The following WWP2 variants were observed in gnomAD, a reference collection of about 807,000 sequenced individuals.
WWP2 encodes the protein NEDD4-like E3 ubiquitin-protein ligase WWP2.
In WWP2, 57 loss-of-function variants were observed where a neutral mutation model predicts 121.0. That is an observed-to-expected ratio of 0.47 (90% CI 0.38 to 0.59). WWP2 has a LOEUF of 0.59. Ranked by LOEUF, WWP2 falls within the 20% of genes least tolerant of loss-of-function variation. The pLI is 0.00. For synonymous variants in WWP2, 449 were observed against 441.3 expected, an observed-to-expected ratio of 1.02 and a Z score of -0.22; for missense variants, 962 against 1,158.9, an observed-to-expected ratio of 0.83 and a Z score of 2.47.
At chr16:69,883,179 A>T (rs1024687320) in intron 7 of WWP2, among the ~76,000 whole-genome samples, 1 of 152,004 alleles carries the variant, frequency 6.6e-6, no homozygotes, top group African/African-American at 2.4e-5. Flanking sequence ...TAATACAGCA[A>T]TTCTGTAAGG....
intron 6 of WWP2, among the ~76,000 whole-genome samples, chr16:69,865,548 C>G (rs2057506336): frequency 1.3e-5 from 2 of 152,170 alleles, no homozygotes; most frequent in Admixed American, 6.5e-5. Context: ...GAAGTGGAGC[C>G]TCTACCTGAA....
chr16:69,826,223 C>T (rs996985747), intron 4 of WWP2, among the ~76,000 whole-genome samples: 1 of 144,300 alleles, frequency 6.9e-6, no homozygotes, highest in Non-Finnish European at 1.5e-5. Context: ...ACTGAGATCA[C>T]ACCACTGCAC....
At chr16:69,789,705 T>G (rs1009757659) in intron 2 of WWP2, among the ~76,000 whole-genome samples, 1 of 152,224 alleles carries the variant, frequency 6.6e-6, no homozygotes, top group African/African-American at 2.4e-5. Flanking sequence ...AGAGTGCCTG[T>G]TTCCCTACAT....
chr16:69,823,816 C>T (rs374643304), intron 4 of WWP2, among the ~76,000 whole-genome samples: 62 of 152,240 alleles, frequency 4.1e-4, no homozygotes, highest in Non-Finnish European at 7.8e-4. Context: ...AACTTTTCTG[C>T]GAAATCAGGT....
At chr16:69,828,941 G>C (rs1010292306) in intron 4 of WWP2, among the ~76,000 whole-genome samples, 3 of 151,910 alleles carry the variant, frequency 2.0e-5, no homozygotes, top group Non-Finnish European at 4.4e-5. Context: ...GTTTCCCTGT[G>C]GTGTTCCCTG....
At chr16:69,911,580 G>T (rs1481668297) in intron 9 of WWP2, among the ~76,000 whole-genome samples, 1 of 152,188 alleles carries the variant, frequency 6.6e-6, no homozygotes, top group Non-Finnish European at 1.5e-5. Context: ...ATGCCCACCA[G>T]AGCCAAAGAG....
chr16:69,909,502 CCCA>C (rs756238979), intron 9 of WWP2: 4 of 985,458 alleles, frequency 4.1e-6, no homozygotes, highest in Non-Finnish European at 4.8e-6. Context: ...CCACACACAT[CCCA>C]CCTCATCTTC....
At chr16:69,888,332 T>A in intron 8 of WWP2, 83 bp downstream of exon 8, 1 of 1,432,270 alleles carries the variant, frequency 7.0e-7, no homozygotes, top group East Asian at 2.4e-5. Flanking sequence ...ACGTGGTTAT[T>A]TATTACCTAG....
chr16:69,817,659 CTTTTT>C (rs200998762), intron 4 of WWP2, among the ~76,000 whole-genome samples: 2 of 119,954 alleles, frequency 1.7e-5, no homozygotes, highest in Non-Finnish European at 1.8e-5. Flanking sequence ...TTGTTAAACT[CTTTTT>C]TTTTTTTTTT....
intron 7 of WWP2, among the ~76,000 whole-genome samples, chr16:69,874,230 C>A (rs7189521): frequency 6.6e-6 from 1 of 152,136 alleles, no homozygotes; most frequent in African/African-American, 2.4e-5. Context: ...AACGTCTGCC[C>A]CAAGGGTACA....
chr16:69,799,337 G>C lies in WWP2; in HGVS notation c.340+42G>C. The C allele has an allele frequency of 3.8e-6, 6 of 1,599,228 alleles. No homozygotes were observed. The highest frequency in any genetic ancestry group is 5.1e-6 in the Non-Finnish European group (6 of 1,171,816). On this transcript the variant is annotated intron_variant, in intron 4 of 23. Transcript: ENST00000359154. This position sits in a 1 kb window ranked among gnomAD's most constrained non-coding sequence, Gnocchi z 4.5. ...GGGTGCCGACGTGATTCTTGGGTGGGGATGGGAGGACCTGGCAGATCAACC... is the reference window on the plus strand; with the variant it reads ...GGGTGCCGACGTGATTCTTGGGTGGCGATGGGAGGACCTGGCAGATCAACC...
At chr16:69,934,944 A>G (rs2058772994) in intron 17 of WWP2, among the ~76,000 whole-genome samples, 2 of 152,154 alleles carry the variant, frequency 1.3e-5, no homozygotes, top group Admixed American at 1.3e-4. Context: ...TGGCTGGTGC[A>G]GGGTGTAGGG....
intron 4 of WWP2, among the ~76,000 whole-genome samples, chr16:69,830,054 A>G (rs1408677741): frequency 6.6e-6 from 1 of 151,832 alleles, no homozygotes; most frequent in Non-Finnish European, 1.5e-5. Context: ...TCCTGGATTC[A>G]AGTGATTCTC....
At chr16:69,771,858 C>T (rs1246365230) in intron 1 of WWP2, among the ~76,000 whole-genome samples, 1 of 150,868 alleles carries the variant, frequency 6.6e-6, no homozygotes, top group Non-Finnish European at 1.5e-5. Context: ...TTCACTGTCT[C>T]GCTGGGTCAA....
intron 16 of WWP2, chr16:69,933,192 C>T (rs758335524): frequency 1.7e-5 from 8 of 469,382 alleles, no homozygotes; most frequent in Non-Finnish European, 3.1e-5. Context: ...TCTGCGTCGA[C>T]GGACTCCTCG....
chr16:69,889,981 G>T (rs1023504893), intron 8 of WWP2, among the ~76,000 whole-genome samples: 2 of 151,986 alleles, frequency 1.3e-5, no homozygotes, highest in Non-Finnish European at 2.9e-5. Context: ...TTGAGACAGG[G>T]TCTCACTCTG....
At chr16:69,897,842 A>T (rs2058130742) in intron 8 of WWP2, among the ~76,000 whole-genome samples, 1 of 150,732 alleles carries the variant, frequency 6.6e-6, no homozygotes, top group African/African-American at 2.4e-5. Flanking sequence ...AGGGAGGCGG[A>T]GGTTACAGTG....
At position 69,908,950 on chromosome 16, in the gene WWP2, C is replaced by T. The variant is rs928131801; in HGVS notation, c.1004+100C>T. 89 of 1,573,728 alleles carry T rather than the reference C, an allele frequency of 5.7e-5. No homozygotes were observed. The Admixed American group carries it at 1.7e-3, about 29-fold the overall frequency. On this transcript the variant is annotated intron_variant, in intron 9 of 23. Transcript: ENST00000359154. ...CCCTTTCTGCGGAGGTAGCATAGCA[C>T]AGTGACGTTTATTCCGGGTCACTTG... is the stretch of plus-strand genomic sequence containing the variant.
chr16:69,893,706 T>C (rs2151944664), intron 8 of WWP2, among the ~76,000 whole-genome samples: 1 of 152,148 alleles, frequency 6.6e-6, no homozygotes. Flanking sequence ...CACGCCCAGC[T>C]AATTTTTTGT....
Sources: gnomAD v4.1 joint callset for allele counts (sites outside exome capture counted in the v4.1 genomes callset) on GRCh38, gnomAD v4.1.1 for gene constraint, Gnocchi (gnomAD v3.1) non-coding constraint, MANE v1.5 for transcripts, NCBI Gene and HGNC (gene_info 2026-07-23, HGNC 2026-07-21) for gene names.